Variants in OR4A15 observed in about 807,000 individuals in gnomAD.
The protein encoded by OR4A15 is olfactory receptor family 4 subfamily A member 15, also known as olfactory receptor 4A15.
For missense variants in OR4A15, 657 were observed against 374.7 expected (o/e 1.75, Z -6.22); for synonymous variants, 240 against 135.6 (o/e 1.77, Z -5.35).
exon 1 of OR4A15, chr11:55,368,578 G>C: frequency 6.2e-7 from 1 of 1,613,614 alleles, no homozygotes; most frequent in Non-Finnish European, 8.5e-7. Flanking sequence ...GCTAATGGAG[G>C]AGCGATTTGT....
At position 55,368,175 on chromosome 11, in the gene OR4A15, G is replaced by C. The variant is rs370541816; in HGVS notation, c.202G>C (p.Asp68His). 9.5e-5 allele frequency: 154 copies of C among 1,613,076 alleles called. 1 individual carries two copies. Among genetic ancestry groups the C allele is most frequent in the Non-Finnish European group, 1.2e-4 (145 of 1,179,918 alleles). The stretch of plus-strand genomic sequence containing the variant: ...TTTTCTGGCTTCTTTATCATTCATA[G>C]ATACCGTCTATTCTACTGCATTTGC... Residue 68 changes from aspartate to histidine, a missense_variant, in exon 1 of 1, where the codon GAT becomes CAT. By Grantham distance (81) the Asp-to-His change is moderately conservative. Coordinates refer to ENST00000641526, the Ensembl canonical transcript of OR4A15.
At chr11:55,368,714 A>C (rs899757306) in exon 1 of OR4A15, 12 of 1,613,572 alleles carry the variant, frequency 7.4e-6, no homozygotes, top group Non-Finnish European at 9.3e-6. Flanking sequence ...TGGTCATTTT[A>C]TTCTTTGTCC....
At chr11:55,368,767 T>C (rs1853894222) in exon 1 of OR4A15, 4 of 1,613,696 alleles carry the variant, frequency 2.5e-6, no homozygotes, top group African/African-American at 2.7e-5. Flanking sequence ...ACTTTTCCCA[T>C]TGATAAATCC....
chr11:55,368,267 A>T (rs774681296), exon 1 of OR4A15: 1 of 1,613,902 alleles, frequency 6.2e-7, no homozygotes, highest in South Asian at 1.1e-5. Context: ...GTATGGCTCA[A>T]CTTTTTATGG....
At position 55,368,600 on chromosome 11, in the gene OR4A15, C is replaced by A. The variant is rs750568823; in HGVS notation, c.627C>A (p.Phe209Leu). Reference sequence around the variant, plus strand: ...GAGGAGCGATTTGTGCTGTCACCTTCTTCACTATCCTGCTTTCCTATGGGG... The same window carrying A: ...GAGGAGCGATTTGTGCTGTCACCTTATTCACTATCCTGCTTTCCTATGGGG... Residue 209 changes from phenylalanine to leucine, a missense_variant, in exon 1 of 1, where the codon TTC (phenylalanine) becomes TTA (leucine). Coordinates refer to ENST00000641526, the Ensembl canonical transcript of OR4A15. 5.0e-6 allele frequency: 8 copies of A among 1,613,732 alleles called. No individual in the cohort carries two copies. The Admixed American group carries it at 1.2e-4, about 24-fold the overall frequency.
In OR4A15 at chr11:55,368,543, C is replaced by T. The variant is rs61748701; in HGVS notation, c.570C>T (p.Thr190=). The change falls in exon 1 of 1, where the codon ACC becomes ACT. Residue 190 remains threonine (T), a synonymous_variant. Coordinates refer to ENST00000641526, the Ensembl canonical transcript of OR4A15. Reference sequence around the variant, plus strand: ...TATTGAAACTTGCTTGCACCAATACCTATGTCACTGGGCTTTCTATGATAG... The same window carrying T: ...TATTGAAACTTGCTTGCACCAATACTTATGTCACTGGGCTTTCTATGATAG... 6 of 1,613,354 alleles carry T rather than the reference C, an allele frequency of 3.7e-6. No individual in the cohort carries two copies. In the Admixed American group the frequency reaches 6.7e-5, roughly 18 times the overall value.
exon 1 of OR4A15, chr11:55,368,511 T>A: frequency 2.5e-6 from 4 of 1,612,894 alleles, no homozygotes; most frequent in Non-Finnish European, 3.4e-6. Context: ...GTGTGATTTG[T>A]ATCCCTTATT....
exon 1 of OR4A15, chr11:55,368,884 T>G (rs1853897552): frequency 6.2e-7 from 1 of 1,607,628 alleles, no homozygotes; most frequent in South Asian, 1.1e-5. Flanking sequence ...AGTAAAAAAG[T>G]AAGCTTAGCT....
chr11:55,368,096 G>T (rs1454699640), exon 1 of OR4A15: 4 of 1,613,046 alleles, frequency 2.5e-6, no homozygotes, highest in Middle Eastern at 1.8e-4. Context: ...TGGGCAACCT[G>T]CTTATCATAG....
rs376261936 is a variant in OR4A15 at position 55,368,701 on chromosome 11, C to T, written c.728C>T (p.Thr243Ile). ...TTCTACACCTGTGCATCCCACGTCA[C>T]TGTGGTCATTTTATTCTTTGTCCCC... Residue 243 changes from threonine (T) to isoleucine (I), a missense_variant, in exon 1 of 1, where the codon ACT (threonine) becomes ATT (isoleucine). Transcript: ENST00000641526. 1.3e-5 allele frequency: 21 copies of T among 1,613,556 alleles called. No homozygotes were observed. Among genetic ancestry groups the T allele is most frequent in the Admixed American group, 6.7e-5 (4 of 59,926 alleles).
exon 1 of OR4A15, chr11:55,368,427 C>T: frequency 1.2e-6 from 2 of 1,612,750 alleles, no homozygotes; most frequent in Non-Finnish European, 1.7e-6. Flanking sequence ...TGGAGGCTTT[C>T]TTCACTCATT....
In OR4A15 at chr11:55,368,620, A is replaced by G. The variant is rs559962899; in HGVS notation, c.647A>G (p.Tyr216Cys). ...ACCTTCTTCACTATCCTGCTTTCCT[A>G]TGGGGTCATATTACACTCTCTTAAG... is the stretch of plus-strand genomic sequence containing the variant. The change falls in exon 1 of 1, where the codon TAT (tyrosine) becomes TGT (cysteine). Residue 216 changes from tyrosine (Y) to cysteine (C), a missense_variant. Transcript: ENST00000641526. The G allele has an allele frequency of 3.8e-5, 62 of 1,613,550 alleles. 2 individuals carry two copies. The South Asian group carries it at 6.8e-4, about 18-fold the overall frequency.
chr11:55,368,813 G>A (rs1250931691), exon 1 of OR4A15: 1 of 1,613,362 alleles, frequency 6.2e-7, no homozygotes, highest in Non-Finnish European at 8.5e-7. Context: ...CTCCCATGCT[G>A]AACCCACTAA....
At chr11:55,368,782 C>T (rs201032145) in exon 1 of OR4A15, 3 of 1,613,642 alleles carry the variant, frequency 1.9e-6, no homozygotes, top group Admixed American at 1.7e-5. Context: ...AAATCCATGA[C>T]TGTAGTTCTA....
rs767789388 is a variant in OR4A15, at chr11:55,368,741, T to A, written c.768T>A (p.Tyr256Ter). Residue 256 changes from tyrosine (Y) to a stop codon, truncating the protein, a stop_gained, in exon 1 of 1, where the codon TAT becomes TAA. Transcript: ENST00000641526. LOFTEE classifies it low-confidence loss of function (END_TRUNC). The stretch of plus-strand genomic sequence containing the variant: ...TCTTTGTCCCCTGTATCTTCTTGTA[T>A]GCAAGGCCCAATTCTACTTTTCCCA... The A allele has an allele frequency of 1.2e-6, 2 of 1,613,704 alleles. No individual in the cohort carries two copies.
rs772034737 is a variant in OR4A15 at position 55,368,466 on chromosome 11, C to G, written c.493C>G (p.Pro165Ala). 21 of 1,610,478 alleles carry G rather than the reference C, an allele frequency of 1.3e-5. No homozygotes were observed. The Admixed American group carries it at 3.0e-4, about 23-fold the overall frequency. The stretch of plus-strand genomic sequence containing the variant: ...TCAATTTCTCTTTATTTATCAGCTC[C>G]CTTTCTGTGGACCCAATGTCATTGA... The change falls in exon 1 of 1, where the codon CCT becomes GCT. Residue 165 changes from proline (P) to alanine (A), a missense_variant. Pro to Ala is a conservative substitution (Grantham distance 27). Coordinates refer to ENST00000641526, the Ensembl canonical transcript of OR4A15.
At position 55,368,681 on chromosome 11, in the gene OR4A15, C is replaced by T. The variant is rs147678504; in HGVS notation, c.708C>T (p.Tyr236=). Residue 236 remains tyrosine, a synonymous_variant, in exon 1 of 1, where the codon TAC becomes TAT. Transcript: ENST00000641526. ...TGGAAGGGAAACGAAAAGCTTTCTA[C>T]ACCTGTGCATCCCACGTCACTGTGG... 4.5e-3 allele frequency: 7,331 copies of T among 1,613,690 alleles called. 39 individuals are homozygous for T. The highest frequency in any genetic ancestry group is 4.4e-3 in the Non-Finnish European group (5,213 of 1,179,792).
chr11:55,368,568 G>A (rs758166347), exon 1 of OR4A15: 2 of 1,613,600 alleles, frequency 1.2e-6, no homozygotes, highest in South Asian at 1.1e-5. Flanking sequence ...TTCTATGATA[G>A]CTAATGGAGG....
chr11:55,368,623 G>A, exon 1 of OR4A15: 2 of 1,613,580 alleles, frequency 1.2e-6, no homozygotes, highest in Non-Finnish European at 1.7e-6. Context: ...CTTTCCTATG[G>A]GGTCATATTA....
Sources: allele counts gnomAD v4.1 joint callset, GRCh38; gene constraint gnomAD v4.1.1; transcripts MANE v1.5; gene names NCBI Gene and HGNC (gene_info 2026-07-23, HGNC 2026-07-21).